KIF5C: variants seen among roughly 807,000 people sequenced by gnomAD.
The protein encoded by KIF5C is kinesin heavy chain isoform 5C.
A neutral mutation model predicts 125.2 loss-of-function variants in KIF5C; 18 were observed. That is an observed-to-expected ratio of 0.14 (90% CI 0.10 to 0.21). The LOEUF (loss-of-function observed/expected upper bound fraction) is 0.21. Among genes scored for constraint, KIF5C ranks in the 10% least tolerant of loss-of-function variants. The pLI is 1.00. For missense variants in KIF5C, 780 were observed against 1,183.8 expected, an observed-to-expected ratio of 0.66 and a Z score of 5.01; for synonymous variants, 405 against 434.0, an observed-to-expected ratio of 0.93 and a Z score of 0.83.
intron 16 of KIF5C, among the ~76,000 whole-genome samples, chr2:148,993,172 T>C (rs964070116): frequency 6.6e-6 from 1 of 152,216 alleles, no homozygotes. Context: ...TAGGTTCAGA[T>C]GGACATGTTC....
chr2:148,910,308 G>A (rs1681281665), intron 1 of KIF5C, among the ~76,000 whole-genome samples: 1 of 152,196 alleles, frequency 6.6e-6, no homozygotes. Context: ...ACCATGTGAA[G>A]CCAATGTAAT....
At chr2:148,934,943 G>A (rs561341332) in intron 3 of KIF5C, 8 of 263,682 alleles carry the variant, frequency 3.0e-5, no homozygotes, top group South Asian at 1.3e-4. Context: ...CCTCCCCTGC[G>A]TACACACACC....
rs769397087 is a variant in KIF5C at position 148,949,895 on chromosome 2, G to A, written c.771G>A (p.Lys257=). Reference sequence around the variant, plus strand: ...TTGACGAAGCTAAAAATATCAATAAGTCTTTGTCTGCTCTTGGAAATGTGA... The same window carrying A: ...TTGACGAAGCTAAAAATATCAATAAATCTTTGTCTGCTCTTGGAAATGTGA... The part of the protein sequence containing the change: ...AVLDEAKNIN[K]SLSALGNVIS... Residue 257 remains lysine (K), a synonymous_variant, in exon 9 of 26, where the codon AAG becomes AAA. Transcript: ENST00000435030. The A allele has an allele frequency of 1.1e-4, 176 of 1,613,722 alleles. 1 individual carries two copies. The highest frequency in any genetic ancestry group is 1.4e-4 in the Non-Finnish European group (166 of 1,179,852).
chr2:148,925,338 A>G (rs779793016), intron 2 of KIF5C, among the ~76,000 whole-genome samples: 3 of 152,222 alleles, frequency 2.0e-5, no homozygotes, highest in Non-Finnish European at 4.4e-5. Context: ...TGTGGACCCA[A>G]TGAAGAGTGT....
In KIF5C at chr2:148,875,500, G is replaced by A. The variant is rs907211929; in HGVS notation, c.-118G>A. The A allele has an allele frequency of 1.2e-6, 1 of 830,712 alleles. No individual in the cohort carries two copies. Among genetic ancestry groups the A allele is most frequent in the East Asian group, 2.7e-5 (1 of 36,478 alleles). The allele number at this position is 830,712 out of a possible 1,614,324, so 51.5% of individuals were successfully genotyped here. ...TCGCGATGACCTGCTGAGAAGCGTCGTCGGAGGCTGCAGGAGGCGGCCTAG... is the reference window on the plus strand; with the variant it reads ...TCGCGATGACCTGCTGAGAAGCGTCATCGGAGGCTGCAGGAGGCGGCCTAG... On this transcript the variant is annotated 5_prime_UTR_variant, in exon 1 of 26. Coordinates refer to ENST00000435030, the MANE Select transcript of KIF5C (RefSeq NM_004522.3).
At chr2:148,964,876 G>A (rs969457704) in intron 11 of KIF5C, among the ~76,000 whole-genome samples, 10 of 152,260 alleles carry the variant, frequency 6.6e-5, no homozygotes, top group Non-Finnish European at 1.2e-4. Context: ...TGGCTGTATT[G>A]GAGAGTGGAC....
intron 1 of KIF5C, among the ~76,000 whole-genome samples, chr2:148,881,032 C>T (rs1681334818): frequency 6.8e-6 from 1 of 147,894 alleles, no homozygotes; most frequent in Non-Finnish European, 1.5e-5. Flanking sequence ...ATAATAATTA[C>T]TTACCTCACA....
intron 1 of KIF5C, among the ~76,000 whole-genome samples, chr2:148,892,471 C>A (rs1681736963): frequency 6.6e-6 from 1 of 152,194 alleles, no homozygotes; most frequent in Non-Finnish European, 1.5e-5. Context: ...GAGCTGTAAA[C>A]CTGGGCTATA....
Position 148,929,322 on chromosome 2 carries a change from C to A in KIF5C, c.259C>A (p.Gln87Lys). ...GYNGTIFAYG[Q>K]TSSGKTHTME... is the part of the protein sequence containing the mutation. Reference sequence around the variant, plus strand: ...TAACGGGACGATTTTTGCGTATGGGCAGACTTCATCAGGAAAAACCCACAC... The same window carrying A: ...TAACGGGACGATTTTTGCGTATGGGAAGACTTCATCAGGAAAAACCCACAC... The change falls in exon 3 of 26, where the codon CAG becomes AAG. Residue 87 changes from glutamine to lysine, a missense_variant. Gln to Lys is a moderately conservative substitution (Grantham distance 53). Around this residue, in one of 2 missense-constraint regions of KIF5C, gnomAD observed 207 missense variants for 441.2 expected, o/e 0.47. Transcript: ENST00000435030. 1 of 1,536,010 alleles carries A rather than the reference C, an allele frequency of 6.5e-7. No individual in the cohort carries two copies. The highest frequency in any genetic ancestry group is 8.7e-7 in the Non-Finnish European group (1 of 1,145,834).
intron 3 of KIF5C, among the ~76,000 whole-genome samples, chr2:148,934,573 A>ACT (rs113616520): frequency 2.0e-5 from 3 of 146,850 alleles, no homozygotes; most frequent in African/African-American, 7.6e-5. Context: ...ACACACACAC[A>ACT]CTCTGCATAC....
intron 18 of KIF5C, 188 bp from the exon 19 acceptor site, chr2:148,998,212 T>A: frequency 3.3e-6 from 3 of 919,180 alleles, no homozygotes; most frequent in Non-Finnish European, 4.8e-6. Flanking sequence ...TGATAACAGA[T>A]CTTGGGTTTT....
rs1682671250 is a variant in KIF5C, at chr2:149,025,774, G to A, written c.*2704G>A. On this transcript the variant is annotated 3_prime_UTR_variant, in exon 26 of 26. Coordinates refer to ENST00000435030, the MANE Select transcript of KIF5C (RefSeq NM_004522.3). Reference sequence around the variant, plus strand: ...TTTGAGATATCAAGATTTATGTCTGGGAACTAAAATATATAATGCCAAATG... The same window carrying A: ...TTTGAGATATCAAGATTTATGTCTGAGAACTAAAATATATAATGCCAAATG... 6.6e-6 allele frequency: 1 copy of A among 152,440 alleles called. No individual in the cohort carries two copies. The highest frequency in any genetic ancestry group is 2.4e-5 in the African/African-American group (1 of 41,434). 9.4% of individuals were successfully genotyped at this position (152,440 alleles called of 1,614,324 possible).
At chr2:148,949,664 C>A (rs1341948725) in intron 8 of KIF5C, among the ~76,000 whole-genome samples, 175 bp from the exon 9 acceptor site, 1 of 152,144 alleles carries the variant, frequency 6.6e-6, no homozygotes, top group East Asian at 1.9e-4. Context: ...CAGGAGAGAC[C>A]AAATCCCCAG....
At chr2:148,987,587 C>T (rs1019731758) in intron 15 of KIF5C, among the ~76,000 whole-genome samples, 15 of 152,124 alleles carry the variant, frequency 9.9e-5, no homozygotes, top group African/African-American at 2.9e-4. Context: ...TATGACCAGG[C>T]GTTTCCAACT....
intron 4 of KIF5C, among the ~76,000 whole-genome samples, chr2:148,940,761 C>T (rs955324060): frequency 3.9e-5 from 6 of 152,128 alleles, no homozygotes; most frequent in Non-Finnish European, 8.8e-5. Context: ...TTTTTGACAT[C>T]GTAAAGCCCT....
chr2:148,919,884 A>G (rs970446191), intron 1 of KIF5C, among the ~76,000 whole-genome samples: 1 of 152,220 alleles, frequency 6.6e-6, no homozygotes, highest in African/African-American at 2.4e-5. Flanking sequence ...TCTAAATTTT[A>G]TCTTTTCTTA....
Position 148,942,868 on chromosome 2 carries a change from G to A in KIF5C, c.589+108G>A, listed in dbSNP as rs186112347. 76 of 1,531,202 alleles carry A rather than the reference G, an allele frequency of 5.0e-5. No homozygotes were observed. The Admixed American group carries it at 1.5e-3, about 29-fold the overall frequency. The allele number at this position is 1,531,202 out of a possible 1,614,324, so 94.9% of individuals were successfully genotyped here. ...TACAAATGAAAGAATGCATGGGAAG[G>A]TGATTAAAGAGCAGTGCTCGGACAC... On this transcript the variant is annotated intron_variant, in intron 7 of 25. Transcript: ENST00000435030.
chr2:148,957,605 A>C (rs1490111085), intron 10 of KIF5C, among the ~76,000 whole-genome samples: 2 of 150,642 alleles, frequency 1.3e-5, no homozygotes, highest in Admixed American at 6.6e-5. Context: ...AAAAAAAAAA[A>C]AAAAAAAAAA....
At chr2:148,891,466 T>C (rs1447868527) in intron 1 of KIF5C, among the ~76,000 whole-genome samples, 1 of 152,106 alleles carries the variant, frequency 6.6e-6, no homozygotes, top group African/African-American at 2.4e-5. Flanking sequence ...GTGTGCACTA[T>C]AAATATCAAT....
Sources: gnomAD v4.1 joint callset for allele counts (sites outside exome capture counted in the v4.1 genomes callset) on GRCh38, gnomAD v4.1.1 for gene constraint, gnomAD v4.1.1 regional missense constraint, MANE v1.5 for transcripts, NCBI Gene and HGNC (gene_info 2026-07-23, HGNC 2026-07-21) for gene names.